Variants in FKRP observed in about 807,000 individuals in gnomAD.
FKRP encodes fukutin related protein.
FKRP carries 25 observed loss-of-function variants against 30.6 expected under a neutral mutation model. That is an observed-to-expected ratio of 0.82 (90% CI 0.60 to 1.14). The LOEUF is 1.14. Among genes scored for constraint, FKRP ranks in the 50% most tolerant of loss-of-function variants. The pLI, the probability that FKRP is intolerant of heterozygous loss-of-function variation, is 0.00. For synonymous variants in FKRP, 358 were observed against 342.5 expected, an observed-to-expected ratio of 1.05 and a Z score of -0.50; for missense variants, 771 against 727.8, an observed-to-expected ratio of 1.06 and a Z score of -0.68.
At position 46,756,116 on chromosome 19, in the gene FKRP, C is replaced by T. The variant is rs2122620960; in HGVS notation, c.666C>T (p.Leu222=). Residue 222 remains leucine (L), a synonymous_variant, in exon 4 of 4, where the codon CTC becomes CTT. Transcript: ENST00000318584. The surrounding 1 kb of genome is among the most constrained non-coding windows in gnomAD (Gnocchi z 6.6). ...TGGCCCGGCCGGTGGGCACCAGCCTCTTTCTGCAGACCGCCCTTCGCGGCT... is the reference window on the plus strand; with the variant it reads ...TGGCCCGGCCGGTGGGCACCAGCCTTTTTCTGCAGACCGCCCTTCGCGGCT... ...APLARPVGTS[L]FLQTALRGWA... The T allele has an allele frequency of 6.6e-7, 1 of 1,525,060 alleles. No homozygotes were observed. Among genetic ancestry groups the T allele is most frequent in the Non-Finnish European group, 8.7e-7 (1 of 1,146,620 alleles). 94.5% of individuals were successfully genotyped at this position (1,525,060 alleles called of 1,614,324 possible).
At position 46,756,604 on chromosome 19, in the gene FKRP, C is replaced by T. The variant is rs104894680; in HGVS notation, c.1154C>T (p.Ser385Leu). Reference sequence around the variant, plus strand: ...CAGCTGCGGGGGGCAGAGGCCGGCTCGGTGGTGGATGAGCGCGGCTTCGTA... The same window carrying T: ...CAGCTGCGGGGGGCAGAGGCCGGCTTGGTGGTGGATGAGCGCGGCTTCGTA... ...CEQLRGAEAG[S>L]VVDERGFVWE... Residue 385 changes from serine to leucine, a missense_variant, in exon 4 of 4, where the codon TCG becomes TTG. By Grantham distance (145) the Ser-to-Leu change is moderately radical. Transcript: ENST00000318584. This position sits in a 1 kb window ranked among gnomAD's most constrained non-coding sequence, Gnocchi z 6.6. The T allele has an allele frequency of 1.3e-4, 217 of 1,611,398 alleles. No individual in the cohort carries two copies. The African/African-American group carries it at 2.6e-3, about 19-fold the overall frequency.
At chr19:46,750,885 G>A (rs1471522902) in intron 3 of FKRP, among the ~76,000 whole-genome samples, 1 of 152,034 alleles carries the variant, frequency 6.6e-6, no homozygotes, top group East Asian at 1.9e-4. Context: ...TATTTATTGA[G>A]CACCTGCTAT....
At chr19:46,746,217 T>C (rs1226700023) in intron 1 of FKRP, 127 bp downstream of exon 1, 2 of 1,536,610 alleles carry the variant, frequency 1.3e-6, no homozygotes, top group African/African-American at 2.9e-5. Flanking sequence ...TCGTGCTGGA[T>C]AAAGTGCAGG....
intron 3 of FKRP, among the ~76,000 whole-genome samples, chr19:46,751,032 A>C (rs2122556051): frequency 6.6e-6 from 1 of 151,572 alleles, no homozygotes; most frequent in Non-Finnish European, 1.5e-5. Context: ...TAAAGCAGGA[A>C]TGGGGGATAG....
At chr19:46,749,833 T>G (rs945972258) in intron 3 of FKRP, among the ~76,000 whole-genome samples, 4 of 151,948 alleles carry the variant, frequency 2.6e-5, no homozygotes, top group Non-Finnish European at 5.9e-5. Context: ...TCCTACCACT[T>G]CAGCCACCAG....
In FKRP at chr19:46,756,642, G is replaced by A. The variant is rs1471167981; in HGVS notation, c.1192G>A (p.Val398Ile). ...DERGFVWEKAVEGDFFRVQYS... is the reference protein window; with the variant it reads ...DERGFVWEKAIEGDFFRVQYS... ...GCGCGGCTTCGTATGGGAGAAGGCG[G>A]TCGAGGGCGACTTTTTCCGCGTGCA... is the stretch of plus-strand genomic sequence containing the variant. Residue 398 changes from valine (V) to isoleucine (I), a missense_variant, in exon 4 of 4, where the codon GTC (valine) becomes ATC (isoleucine). Physicochemically the swap from Val to Ile is conservative, Grantham distance 29. Coordinates refer to ENST00000318584, the MANE Select transcript of FKRP (RefSeq NM_024301.5). This position sits in a 1 kb window ranked among gnomAD's most constrained non-coding sequence, Gnocchi z 6.6. 1.9e-6 allele frequency: 3 copies of A among 1,613,224 alleles called. No individual in the cohort carries two copies. Among genetic ancestry groups the A allele is most frequent in the Admixed American group, 1.7e-5 (1 of 59,894 alleles).
In FKRP at chr19:46,746,096, G is replaced by A. The variant is rs551160185; in HGVS notation, c.-253+6G>A. 1.9e-5 allele frequency: 27 copies of A among 1,400,460 alleles called. No homozygotes were observed. The East Asian group carries it at 4.4e-4, about 23-fold the overall frequency. 86.8% of individuals were successfully genotyped at this position (1,400,460 alleles called of 1,614,324 possible). On this transcript the variant is annotated splice_donor_region_variant and intron_variant, in intron 1 of 3. Coordinates refer to ENST00000318584, the MANE Select transcript of FKRP (RefSeq NM_024301.5). ...GGCGGCGGCGGCGGCAGCGGGTGAGGCCGGGCCGGGCCGGGCCGGGTTGGG... is the reference window on the plus strand; with the variant it reads ...GGCGGCGGCGGCGGCAGCGGGTGAGACCGGGCCGGGCCGGGCCGGGTTGGG...
chr19:46,753,465 AAAAAG>A (rs1227111578), intron 3 of FKRP, among the ~76,000 whole-genome samples: 10 of 149,234 alleles, frequency 6.7e-5, no homozygotes, highest in Non-Finnish European at 1.0e-4. Flanking sequence ...CTCAAAAAAA[AAAAAG>A]AAAAGAAAAG....
chr19:46,747,253 G>A (rs2054665652), intron 1 of FKRP: 1 of 152,554 alleles, frequency 6.6e-6, no homozygotes, highest in African/African-American at 2.4e-5. Flanking sequence ...TCTGCTGAGG[G>A]GCAGTTGCTA....
chr19:46,756,286 G>A lies in FKRP; in HGVS notation c.836G>A (p.Trp279Ter). The A allele has an allele frequency of 6.5e-7, 1 of 1,527,114 alleles. No individual in the cohort carries two copies. Among genetic ancestry groups the A allele is most frequent in the Non-Finnish European group, 8.8e-7 (1 of 1,141,110 alleles). The allele number at this position is 1,527,114 out of a possible 1,614,324, so 94.6% of individuals were successfully genotyped here. Residue 279 changes from tryptophan to a stop codon, truncating the protein, a stop_gained, in exon 4 of 4, where the codon TGG becomes TAG. Transcript: ENST00000318584. LOFTEE classifies it high-confidence loss of function. This position sits in a 1 kb window ranked among gnomAD's most constrained non-coding sequence, Gnocchi z 6.6. ...LRALGIRLVSWEGGRLEWFGC... is the reference protein window; with the variant it reads ...LRALGIRLVS ...GCGCTGGGCATCCGCCTAGTGAGCT[G>A]GGAAGGCGGGCGGCTGGAGTGGTTC...
intron 3 of FKRP, among the ~76,000 whole-genome samples, chr19:46,752,797 C>T (rs570855085): frequency 6.6e-6 from 1 of 151,486 alleles, no homozygotes; most frequent in Admixed American, 6.6e-5. Flanking sequence ...CACAGGAATT[C>T]GAGGCTGCAG....
rs781576638 is a variant in FKRP at position 46,755,810 on chromosome 19, C to T, written c.360C>T (p.Tyr120=). Residue 120 remains tyrosine (Y), a synonymous_variant, in exon 4 of 4, where the codon TAC becomes TAT. Coordinates refer to ENST00000318584, the MANE Select transcript of FKRP (RefSeq NM_024301.5). ...CCGCAGCCTCGCGCCCGGAGACCTA[C>T]GTGGCCACCGAGTTTGTGGCCCTAG... ...RPAAASRPET[Y]VATEFVALVP... 149 of 1,512,904 alleles carry T rather than the reference C, an allele frequency of 9.8e-5. No individual in the cohort carries two copies. Among genetic ancestry groups the T allele is most frequent in the Non-Finnish European group, 1.2e-4 (141 of 1,133,464 alleles). 93.7% of individuals were successfully genotyped at this position (1,512,904 alleles called of 1,614,324 possible). A position where few individuals can be genotyped will look rare whatever the true frequency, so the allele number is the denominator to read the frequency against.
Position 46,755,419 on chromosome 19 carries a change from C to A in FKRP, c.-32C>A. 6.3e-7 allele frequency: 1 copy of A among 1,587,228 alleles called. No homozygotes were observed. The highest frequency in any genetic ancestry group is 1.1e-5 in the South Asian group (1 of 88,566). On this transcript the variant is annotated 5_prime_UTR_variant, in exon 4 of 4. Transcript: ENST00000318584. Reference sequence around the variant, plus strand: ...TTCGTCCCCCTCCCCCAGGATGCCCCGGAGGCCCAGCTAGCCCCAGACTTC... The same window carrying A: ...TTCGTCCCCCTCCCCCAGGATGCCCAGGAGGCCCAGCTAGCCCCAGACTTC...
chr19:46,755,684 CGTG>C lies in FKRP; in HGVS notation c.242_244del (p.Val81del), dbSNP rs2054894857. 9 of 1,590,726 alleles carry C rather than the reference CGTG, an allele frequency of 5.7e-6. No individual in the cohort carries two copies. Among genetic ancestry groups the C allele is most frequent in the Non-Finnish European group, 7.7e-6 (9 of 1,175,298 alleles). ...TCCTGCAGCAAGACCCAGCCCAGCCCGTGGTGGTGGCAGCCGACACGCTCCCCT... is the reference window on the plus strand; with the variant it reads ...TCCTGCAGCAAGACCCAGCCCAGCCCGTGGTGGCAGCCGACACGCTCCCCT... On this transcript the variant is annotated inframe_deletion, in exon 4 of 4. Transcript: ENST00000318584.
intron 1 of FKRP, chr19:46,747,274 G>A (rs2054666374): frequency 6.6e-6 from 1 of 152,478 alleles, no homozygotes; most frequent in Non-Finnish European, 1.5e-5. Flanking sequence ...TGGTTACAGG[G>A]CCTGGACCTT....
intron 3 of FKRP, among the ~76,000 whole-genome samples, chr19:46,753,217 G>T (rs942356760): frequency 2.0e-5 from 3 of 149,960 alleles, no homozygotes; most frequent in Non-Finnish European, 4.4e-5. Flanking sequence ...TGTAATCCCA[G>T]CACTTTGGGA....
intron 3 of FKRP, among the ~76,000 whole-genome samples, chr19:46,749,650 G>C (rs2054746823): frequency 6.6e-6 from 1 of 151,106 alleles, no homozygotes; most frequent in Admixed American, 6.6e-5. Flanking sequence ...CCTTGAACCA[G>C]GGAGTTGGAG....
At chr19:46,750,964 G>T (rs547946213) in intron 3 of FKRP, among the ~76,000 whole-genome samples, 1 of 152,118 alleles carries the variant, frequency 6.6e-6, no homozygotes, top group South Asian at 2.1e-4. Flanking sequence ...CTTCCATGGA[G>T]ATTCTGACAA....
At chr19:46,746,497 C>G (rs1229364593) in intron 1 of FKRP, 6 of 845,198 alleles carry the variant, frequency 7.1e-6, no homozygotes, top group East Asian at 1.2e-4. Context: ...GCCAACACCC[C>G]CCCCCCTCCC....
Sources: allele counts gnomAD v4.1 joint callset (sites outside exome capture counted in the v4.1 genomes callset), GRCh38; gene constraint gnomAD v4.1.1; non-coding constraint Gnocchi (gnomAD v3.1); transcripts MANE v1.5; gene names NCBI Gene and HGNC (gene_info 2026-07-23, HGNC 2026-07-21).